The following NDST4 variants were observed in gnomAD, a reference collection of about 807,000 sequenced individuals.
NDST4 encodes the protein N-heparan sulfate sulfotransferase 4.
A neutral mutation model predicts 100.8 loss-of-function variants in NDST4; 63 were observed. That is an observed-to-expected ratio of 0.62 (90% CI 0.51 to 0.77). NDST4 has a LOEUF of 0.77. Ranked by LOEUF, NDST4 falls within the 30% of genes least tolerant of loss-of-function variation. NDST4 has a pLI of 0.00. For synonymous variants in NDST4, 377 were observed against 361.8 expected, an observed-to-expected ratio of 1.04 and a Z score of -0.48; for missense variants, 943 against 1,018.4, an observed-to-expected ratio of 0.93 and a Z score of 1.01.
chr4:114,894,877 T>C (rs55738128), intron 6 of NDST4, among the ~76,000 whole-genome samples: 5,308 of 152,228 alleles, frequency 0.035, 276 homozygotes, highest in African/African-American at 0.12. Flanking sequence ...GGCTGTGGGT[T>C]TGTCATAAAC....
At chr4:114,962,605 A>G (rs1726288184) in intron 4 of NDST4, among the ~76,000 whole-genome samples, 1 of 152,014 alleles carries the variant, frequency 6.6e-6, no homozygotes, top group African/African-American at 2.4e-5. Flanking sequence ...ATTTGATCAA[A>G]GAAGTTCAAA....
intron 6 of NDST4, among the ~76,000 whole-genome samples, chr4:114,895,164 T>A (rs746149226): frequency 6.6e-6 from 1 of 151,886 alleles, no homozygotes; most frequent in Non-Finnish European, 1.5e-5. Context: ...GATAGAGACT[T>A]GAAAAACCAT....
At chr4:114,916,575 TG>T (rs1269844372) in intron 6 of NDST4, among the ~76,000 whole-genome samples, 46 of 149,876 alleles carry the variant, frequency 3.1e-4, no homozygotes, top group African/African-American at 1.1e-3. Context: ...TGTGTGTGTG[TG>T]TGTGTGTTTG....
intron 7 of NDST4, among the ~76,000 whole-genome samples, chr4:114,868,695 T>C (rs1048801332): frequency 6.6e-6 from 1 of 151,894 alleles, no homozygotes; most frequent in African/African-American, 2.4e-5. Context: ...ATAAATAATA[T>C]AATTTCATAA....
chr4:115,063,671 A>G (rs1728871045), intron 2 of NDST4, among the ~76,000 whole-genome samples: 1 of 151,968 alleles, frequency 6.6e-6, no homozygotes, highest in Non-Finnish European at 1.5e-5. Flanking sequence ...ATTACAATTT[A>G]TCTCGCCACA....
intron 2 of NDST4, among the ~76,000 whole-genome samples, chr4:114,979,335 T>C (rs1726713606): frequency 6.6e-6 from 1 of 150,990 alleles, no homozygotes; most frequent in Non-Finnish European, 1.5e-5. Flanking sequence ...TGTTTTCCTT[T>C]AGTCTATGCA....
At chr4:114,864,943 A>G (rs1434765501) in intron 7 of NDST4, among the ~76,000 whole-genome samples, 1 of 152,128 alleles carries the variant, frequency 6.6e-6, no homozygotes, top group African/African-American at 2.4e-5. Context: ...TCTATTCTTC[A>G]CCATATTATA....
chr4:115,035,263 A>G (rs1386885955), intron 2 of NDST4, among the ~76,000 whole-genome samples: 1 of 152,180 alleles, frequency 6.6e-6, no homozygotes, highest in Non-Finnish European at 1.5e-5. Context: ...AACTTAAACA[A>G]TAAGAATATG....
At chr4:114,967,780 A>ATTT (rs201953131) in intron 4 of NDST4, among the ~76,000 whole-genome samples, 48 of 152,048 alleles carry the variant, frequency 3.2e-4, no homozygotes, top group African/African-American at 1.2e-3. Flanking sequence ...GTAAATCCAT[A>ATTT]TTTTTTTTAA....
rs570231282 is a variant in NDST4 at position 114,852,747 on chromosome 4, T to C, written c.1794A>G (p.Leu598=). Residue 598 remains leucine (L), a synonymous_variant, in exon 8 of 14, where the codon CTA becomes CTG. Transcript: ENST00000264363. ...EKTCDHLPKF[L]VIGPQKTGTT... ...TACCTGTTTTTTGTGGACCAATTACTAGAAATTTTGGTAAGTGGTCACAAG... is the reference window on the plus strand; with the variant it reads ...TACCTGTTTTTTGTGGACCAATTACCAGAAATTTTGGTAAGTGGTCACAAG... 1.3e-4 allele frequency: 204 copies of C among 1,610,750 alleles called. 3 individuals are homozygous for C. In the South Asian group the frequency reaches 1.8e-3, roughly 14 times the overall value.
intron 6 of NDST4, among the ~76,000 whole-genome samples, chr4:114,932,742 CA>C (rs1419076893): frequency 6.6e-6 from 1 of 151,726 alleles, no homozygotes; most frequent in East Asian, 1.9e-4. Flanking sequence ...ACAACAGCAT[CA>C]AAAAAATACT....
chr4:115,059,912 T>C (rs1728783060), intron 2 of NDST4, among the ~76,000 whole-genome samples: 2 of 151,610 alleles, frequency 1.3e-5, no homozygotes, highest in South Asian at 4.1e-4. Context: ...AGCTTCAGTA[T>C]AGGAACTAAT....
At chr4:114,950,213 C>A (rs1725960190) in intron 4 of NDST4, among the ~76,000 whole-genome samples, 1 of 152,012 alleles carries the variant, frequency 6.6e-6, no homozygotes. Flanking sequence ...TAATTCCCAA[C>A]ACAAAGCTTC....
At chr4:115,024,762 GA>G (rs147536437) in intron 2 of NDST4, among the ~76,000 whole-genome samples, 5,681 of 152,222 alleles carry the variant, frequency 0.037, 361 homozygotes, top group African/African-American at 0.13. Context: ...TGAGTTTTGA[GA>G]GGGCAGGGGT....
intron 10 of NDST4, among the ~76,000 whole-genome samples, chr4:114,845,390 G>T (rs2126185856): frequency 6.6e-6 from 1 of 152,192 alleles, no homozygotes; most frequent in South Asian, 2.1e-4. Context: ...GTGTGCGATT[G>T]TTTAGCTGTG....
intron 6 of NDST4, among the ~76,000 whole-genome samples, chr4:114,926,887 G>A (rs564943376): frequency 7.2e-5 from 11 of 152,178 alleles, no homozygotes; most frequent in Middle Eastern, 3.4e-3. Context: ...CTCTAGAGGG[G>A]AAAATTCCAG....
rs367887704 is a variant in NDST4, at chr4:115,033,135, A to G, written c.978+42924T>C. The stretch of plus-strand genomic sequence containing the variant: ...GCAAAAATTATATATATATGTGTAT[A>G]TATATATATATATATATATATATTT... On this transcript the variant is annotated intron_variant, in intron 2 of 13. Transcript: ENST00000264363. Among the ~76,000 whole-genome samples, 396 of 64,114 alleles carry G rather than the reference A, an allele frequency of 6.2e-3. 3 individuals are homozygous for G. Among genetic ancestry groups the G allele is most frequent in the East Asian group, 0.016 (20 of 1,244 alleles). 42.1% of individuals were successfully genotyped at this position (64,114 alleles called of 152,430 possible).
chr4:114,979,392 C>T lies in NDST4; in HGVS notation c.979-2118G>A, dbSNP rs563340363. Reference sequence around the variant, plus strand: ...ATTCATTTTCATGTATCTCATGTTACTGGTTTTTTTTTGCATTTAGTAACA... The same window carrying T: ...ATTCATTTTCATGTATCTCATGTTATTGGTTTTTTTTTGCATTTAGTAACA... On this transcript the variant is annotated intron_variant, in intron 2 of 13. Transcript: ENST00000264363. 7.2e-4 allele frequency among the ~76,000 whole-genome samples: 107 copies of T among 147,768 alleles called. 1 individual carries two copies. The highest frequency in any genetic ancestry group is 6.2e-4 in the East Asian group (3 of 4,870).
chr4:114,847,727 T>C (rs1342678016), intron 9 of NDST4, among the ~76,000 whole-genome samples: 1 of 152,210 alleles, frequency 6.6e-6, no homozygotes, highest in African/African-American at 2.4e-5. Context: ...CTAGAATTGA[T>C]ATGGTTTTGA....
Sources: allele counts gnomAD v4.1 joint callset (sites outside exome capture counted in the v4.1 genomes callset), GRCh38; gene constraint gnomAD v4.1.1; transcripts MANE v1.5; gene names NCBI Gene and HGNC (gene_info 2026-07-23, HGNC 2026-07-21).